ADGRL3: variants seen among roughly 807,000 people sequenced by gnomAD.
ADGRL3 encodes the protein calcium-independent alpha-latrotoxin receptor 3.
In ADGRL3, 62 loss-of-function variants were observed where a neutral mutation model predicts 153.5. The observed-to-expected ratio is 0.40, with a 90% confidence interval of 0.33 to 0.50. ADGRL3 has a LOEUF of 0.50. Among genes scored for constraint, ADGRL3 ranks in the 20% least tolerant of loss-of-function variants. The pLI is 0.47. For missense variants in ADGRL3, 1,641 were observed against 1,859.4 expected (o/e 0.88, Z 2.16); for synonymous variants, 710 against 672.5 (o/e 1.06, Z -0.86).
chr4:61,380,811 A>G (rs1160774097), intron 1 of ADGRL3, among the ~76,000 whole-genome samples: 2 of 152,004 alleles, frequency 1.3e-5, no homozygotes, highest in Non-Finnish European at 2.9e-5. Context: ...TGCTCAAAAC[A>G]ATATTTCTAG....
At chr4:61,547,212 C>T (rs1485698459) in intron 4 of ADGRL3, among the ~76,000 whole-genome samples, 2 of 151,850 alleles carry the variant, frequency 1.3e-5, no homozygotes, top group African/African-American at 4.8e-5. Context: ...TTTACCAGCA[C>T]ACCATTGCTC....
intron 1 of ADGRL3, among the ~76,000 whole-genome samples, chr4:61,246,516 C>T (rs1210970577): frequency 1.3e-5 from 2 of 151,890 alleles, no homozygotes; most frequent in Non-Finnish European, 2.9e-5. Context: ...TTTTACCATA[C>T]ATTTAAATTT....
At chr4:61,732,189 G>T (rs908777574) in intron 7 of ADGRL3, among the ~76,000 whole-genome samples, 2 of 150,998 alleles carry the variant, frequency 1.3e-5, no homozygotes, top group African/African-American at 4.9e-5. Context: ...AATTGTGTGG[G>T]TTGCATGCTC....
intron 17 of ADGRL3, among the ~76,000 whole-genome samples, chr4:61,956,922 C>T (rs1156424709): frequency 6.6e-6 from 1 of 152,012 alleles, no homozygotes; most frequent in East Asian, 1.9e-4. Context: ...CAATACCATG[C>T]TTTTTGGTTA....
intron 21 of ADGRL3, among the ~76,000 whole-genome samples, chr4:62,011,309 T>G (rs2099185506): frequency 6.6e-6 from 1 of 152,160 alleles, no homozygotes; most frequent in African/African-American, 2.4e-5. Flanking sequence ...TGGGAATTTT[T>G]TTAGTAAGTT....
At chr4:61,294,887 ACACACACACACACACT>A (rs981030810) in intron 1 of ADGRL3, among the ~76,000 whole-genome samples, 7 of 29,538 alleles carry the variant, frequency 2.4e-4, no homozygotes, top group East Asian at 1.2e-3. Context: ...TAAATTTTAC[ACACACACACACACACT>A]CACACACACA....
intron 17 of ADGRL3, among the ~76,000 whole-genome samples, chr4:61,959,799 T>G (rs2098981014): frequency 6.6e-6 from 1 of 152,170 alleles, no homozygotes. Context: ...TTAGCTTTAT[T>G]ATTAGAAAAC....
intron 8 of ADGRL3, among the ~76,000 whole-genome samples, chr4:61,810,488 G>A (rs1358267948): frequency 6.6e-6 from 1 of 152,172 alleles, no homozygotes; most frequent in African/African-American, 2.4e-5. Flanking sequence ...TACAGGGAAA[G>A]TATTGACAGT....
chr4:61,415,729 C>T (rs1247280780), intron 2 of ADGRL3, among the ~76,000 whole-genome samples: 5 of 152,044 alleles, frequency 3.3e-5, no homozygotes, highest in Admixed American at 1.3e-4. Flanking sequence ...TCTACCATCT[C>T]ATGAAAGAAA....
intron 1 of ADGRL3, among the ~76,000 whole-genome samples, chr4:61,375,549 G>A (rs992246061): frequency 2.6e-5 from 4 of 152,076 alleles, no homozygotes; most frequent in Non-Finnish European, 4.4e-5. Flanking sequence ...TTAGATTTTG[G>A]TATGTTTAAC....
chr4:61,307,376 C>G (rs1341457711), intron 1 of ADGRL3, among the ~76,000 whole-genome samples: 8 of 152,186 alleles, frequency 5.3e-5, no homozygotes, highest in African/African-American at 1.9e-4. Context: ...ATCACTATTT[C>G]ACAGATTTCA....
intron 1 of ADGRL3, among the ~76,000 whole-genome samples, chr4:61,310,510 A>C (rs866252687): frequency 3.3e-5 from 5 of 152,154 alleles, no homozygotes; most frequent in African/African-American, 1.2e-4. Context: ...TGATCAATCC[A>C]TTGGGACACA....
At chr4:61,826,577 G>T (rs1014711512) in intron 9 of ADGRL3, among the ~76,000 whole-genome samples, 1 of 152,060 alleles carries the variant, frequency 6.6e-6, no homozygotes, top group Non-Finnish European at 1.5e-5. Flanking sequence ...AATCATGCAG[G>T]GTCTTGTAAG....
chr4:61,294,077 T>C (rs969428147), intron 1 of ADGRL3, among the ~76,000 whole-genome samples: 8 of 152,156 alleles, frequency 5.3e-5, no homozygotes, highest in Non-Finnish European at 1.0e-4. Context: ...ACACATTCAG[T>C]AGAAACCACT....
chr4:61,409,868 A>G (rs1362516377), intron 2 of ADGRL3, among the ~76,000 whole-genome samples: 2 of 152,012 alleles, frequency 1.3e-5, no homozygotes, highest in African/African-American at 4.8e-5. Context: ...TTTTAATTCA[A>G]TTTTTATAGT....
At chr4:61,451,480 A>G (rs2097672997) in intron 2 of ADGRL3, among the ~76,000 whole-genome samples, 1 of 152,228 alleles carries the variant, frequency 6.6e-6, no homozygotes, top group Non-Finnish European at 1.5e-5. Flanking sequence ...TCAGATTGAT[A>G]AGTATGCTAC....
At chr4:61,678,310 G>C (rs902156899) in intron 6 of ADGRL3, among the ~76,000 whole-genome samples, 3 of 151,918 alleles carry the variant, frequency 2.0e-5, no homozygotes, top group Admixed American at 6.6e-5. Context: ...TTTAAAGACA[G>C]TTTTAGGCAA....
At chr4:61,715,599 T>C (rs534455956) in intron 6 of ADGRL3, among the ~76,000 whole-genome samples, 50 of 152,280 alleles carry the variant, frequency 3.3e-4, no homozygotes, top group African/African-American at 1.2e-3. Flanking sequence ...GAAATAAGAC[T>C]AAATGTGTCA....
At chr4:61,719,156 G>T (rs769826043) in intron 6 of ADGRL3, among the ~76,000 whole-genome samples, 2 of 151,766 alleles carry the variant, frequency 1.3e-5, no homozygotes, top group Non-Finnish European at 2.9e-5. Context: ...ACTTTTTAAG[G>T]AATATTTATT....
Sources: gnomAD v4.1 joint callset for allele counts (sites outside exome capture counted in the v4.1 genomes callset) on GRCh38, gnomAD v4.1.1 for gene constraint, MANE v1.5 for transcripts, NCBI Gene and HGNC (gene_info 2026-07-23, HGNC 2026-07-21) for gene names.